IRAG1: variants seen among roughly 807,000 people sequenced by gnomAD.
IRAG1 encodes the protein IP3R-associated cGMP kinase substrate.
A neutral mutation model predicts 106.2 loss-of-function variants in IRAG1; 62 were observed. The ratio of observed to expected loss-of-function variants is 0.58; its 90% CI spans 0.48 to 0.72. IRAG1 has a LOEUF of 0.72. Ranked by LOEUF, IRAG1 falls within the 30% of genes least tolerant of loss-of-function variation. The probability of loss-of-function intolerance (pLI) is 0.00; values close to 1 mark genes in which losing one functional copy is unlikely to be tolerated. For synonymous variants in IRAG1, 462 were observed against 443.9 expected (o/e 1.04, Z -0.51); for missense variants, 1,064 against 1,140.7 (o/e 0.93, Z 0.97).
intron 20 of IRAG1, among the ~76,000 whole-genome samples, chr11:10,577,984 C>A (rs1044396830): frequency 6.6e-6 from 1 of 152,196 alleles, no homozygotes; most frequent in Non-Finnish European, 1.5e-5. Context: ...TCTATTTAGA[C>A]AGAGTTGGAT....
At chr11:10,692,918 C>T (rs576984447) in intron 1 of IRAG1, among the ~76,000 whole-genome samples, 18 of 152,244 alleles carry the variant, frequency 1.2e-4, no homozygotes, top group African/African-American at 3.4e-4. Flanking sequence ...TGAGCAGGGC[C>T]GGGCACGGGC....
chr11:10,634,807 T>A (rs552837038), intron 2 of IRAG1, among the ~76,000 whole-genome samples: 103 of 147,764 alleles, frequency 7.0e-4, no homozygotes, highest in African/African-American at 2.6e-3. Flanking sequence ...AATATTTTAT[T>A]GTGTATATAT....
At chr11:10,621,046 AAAG>A (rs1855799768) in intron 10 of IRAG1, among the ~76,000 whole-genome samples, 1 of 152,238 alleles carries the variant, frequency 6.6e-6, no homozygotes, top group Admixed American at 6.5e-5. Context: ...CAAATATTGC[AAAG>A]AAGAAAAATT....
intron 10 of IRAG1, among the ~76,000 whole-genome samples, chr11:10,621,298 A>G (rs564576128): frequency 2.0e-5 from 3 of 152,318 alleles, no homozygotes; most frequent in Admixed American, 1.3e-4. Context: ...GTAAGTTACT[A>G]CAGTTCAGAC....
chr11:10,578,427 TC>T (rs1851052020), intron 20 of IRAG1, among the ~76,000 whole-genome samples: 2 of 152,242 alleles, frequency 1.3e-5, no homozygotes, highest in South Asian at 2.1e-4. Flanking sequence ...AAACTGATCC[TC>T]AAGAGAGCAA....
intron 2 of IRAG1, among the ~76,000 whole-genome samples, chr11:10,637,068 G>T (rs1857198307): frequency 6.6e-6 from 1 of 152,216 alleles, no homozygotes; most frequent in Non-Finnish European, 1.5e-5. Context: ...CTGAAGGTTA[G>T]GCTTGAGAAT....
chr11:10,605,618 T>C (rs1303596360), intron 12 of IRAG1, among the ~76,000 whole-genome samples: 1 of 152,206 alleles, frequency 6.6e-6, no homozygotes, highest in East Asian at 1.9e-4. Flanking sequence ...AGCCAGGATT[T>C]AACCTCAGAC....
At chr11:10,688,394 A>G (rs549186783) in intron 1 of IRAG1, among the ~76,000 whole-genome samples, 1 of 152,244 alleles carries the variant, frequency 6.6e-6, no homozygotes, top group South Asian at 2.1e-4. Flanking sequence ...CACCTGTATG[A>G]GCAAAGTCAA....
chr11:10,603,760 G>A (rs967254667), intron 13 of IRAG1, among the ~76,000 whole-genome samples: 8 of 151,842 alleles, frequency 5.3e-5, no homozygotes, highest in Non-Finnish European at 1.0e-4. Flanking sequence ...GGAGCCCCAC[G>A]AATGGAATTA....
chr11:10,616,685 A>T (rs752746710), intron 10 of IRAG1, among the ~76,000 whole-genome samples: 8 of 152,202 alleles, frequency 5.3e-5, no homozygotes, highest in Non-Finnish European at 1.2e-4. Context: ...AAGTTCAATT[A>T]AATTCTAATA....
At position 10,576,312 on chromosome 11, in the gene IRAG1, C is replaced by T. The variant is rs190786229; in HGVS notation, c.*20G>A. The T allele has an allele frequency of 3.8e-5, 61 of 1,612,836 alleles. No homozygotes were observed. In the African/African-American group the frequency reaches 7.2e-4, roughly 19 times the overall value. Reference sequence around the variant, plus strand: ...AGTCTGAGTGTCTCAGAGCAGGGCACTGGCTAGGTGTGAGGTTTCCTACTG... The same window carrying T: ...AGTCTGAGTGTCTCAGAGCAGGGCATTGGCTAGGTGTGAGGTTTCCTACTG... On this transcript the variant is annotated 3_prime_UTR_variant, in exon 21 of 21. Transcript: ENST00000423302.
chr11:10,651,736 G>A (rs1047086014), intron 2 of IRAG1, among the ~76,000 whole-genome samples: 2 of 152,146 alleles, frequency 1.3e-5, no homozygotes, highest in African/African-American at 2.4e-5. Context: ...GTCCTTCTCC[G>A]GTTTCAGAGG....
chr11:10,615,741 T>G (rs1000847433), intron 10 of IRAG1, among the ~76,000 whole-genome samples: 1 of 151,550 alleles, frequency 6.6e-6, no homozygotes, highest in African/African-American at 2.4e-5. Context: ...ATGAGAACAC[T>G]TGGACACAGG....
At position 10,601,049 on chromosome 11, in the gene IRAG1, A is replaced by G; in HGVS notation, c.1886T>C (p.Met629Thr). Residue 629 changes from methionine to threonine, a missense_variant, in exon 15 of 21, where the codon ATG becomes ACG. Transcript: ENST00000423302. Reference sequence around the variant, plus strand: ...CATCATCACTTCCGTTGCTTTCGACATGCGCTTTTCCTGCGGGGAAGGAGC... The same window carrying G: ...CATCATCACTTCCGTTGCTTTCGACGTGCGCTTTTCCTGCGGGGAAGGAGC... ...VVGAVRQEKRMSKATEVMMQY... is the reference protein window; with the variant it reads ...VVGAVRQEKRTSKATEVMMQY... 7.4e-6 allele frequency: 12 copies of G among 1,614,014 alleles called. 1 individual carries two copies. Among genetic ancestry groups the G allele is most frequent in the Non-Finnish European group, 8.5e-6 (10 of 1,179,902 alleles).
At chr11:10,593,294 G>A in intron 17 of IRAG1, 198 bp downstream of exon 17, 1 of 447,858 alleles carries the variant, frequency 2.2e-6, no homozygotes, top group Non-Finnish European at 4.0e-6. Flanking sequence ...TGAGGGCAGT[G>A]GGACTTCCCA....
At chr11:10,599,960 C>G (rs1853791076) in intron 15 of IRAG1, 1 of 152,228 alleles carries the variant, frequency 6.6e-6, no homozygotes, top group South Asian at 2.1e-4. Flanking sequence ...CCTAGAGGCT[C>G]AAATTGCTAG....
At chr11:10,617,706 A>G (rs1339177037) in intron 10 of IRAG1, among the ~76,000 whole-genome samples, 2 of 152,164 alleles carry the variant, frequency 1.3e-5, no homozygotes, top group African/African-American at 4.8e-5. Flanking sequence ...CTCCTGTCTC[A>G]CAATTCATCA....
At chr11:10,691,449 GC>G (rs950621101) in intron 1 of IRAG1, among the ~76,000 whole-genome samples, 44 of 152,128 alleles carry the variant, frequency 2.9e-4, no homozygotes, top group African/African-American at 1.1e-3. Flanking sequence ...GTATAGTTCA[GC>G]CCATCAGTCA....
chr11:10,636,829 T>C (rs1467621084), intron 2 of IRAG1, among the ~76,000 whole-genome samples: 4 of 152,136 alleles, frequency 2.6e-5, no homozygotes, highest in Non-Finnish European at 5.9e-5. Context: ...ACGACAAAGA[T>C]GTTAGAGGAC....
Sources: allele counts gnomAD v4.1 joint callset (sites outside exome capture counted in the v4.1 genomes callset), GRCh38; gene constraint gnomAD v4.1.1; transcripts MANE v1.5; gene names NCBI Gene and HGNC (gene_info 2026-07-23, HGNC 2026-07-21).